Variants in EPHA6 observed in about 807,000 individuals in gnomAD.
EPHA6 encodes the protein ephrin type-A receptor 6.
In EPHA6, 50 loss-of-function variants were observed where a neutral mutation model predicts 112.0. That is an observed-to-expected ratio of 0.45 (90% CI 0.36 to 0.56). The LOEUF is 0.56. EPHA6 is among the 20% of genes least tolerant of loss of function. The pLI, the probability that EPHA6 is intolerant of heterozygous loss-of-function variation, is 0.00. For synonymous variants in EPHA6, 529 were observed against 490.7 expected (o/e 1.08, Z -1.03); for missense variants, 1,280 against 1,417.4 (o/e 0.90, Z 1.56).
intron 11 of EPHA6, among the ~76,000 whole-genome samples, chr3:97,587,374 T>A (rs972433421): frequency 3.1e-4 from 47 of 152,320 alleles, no homozygotes; most frequent in African/African-American, 1.1e-3. Context: ...CATTTGTAAA[T>A]CATATATATG....
intron 14 of EPHA6, among the ~76,000 whole-genome samples, chr3:97,704,378 T>C (rs371095320): frequency 6.6e-6 from 1 of 152,098 alleles, no homozygotes; most frequent in South Asian, 2.1e-4. Flanking sequence ...AACGGTGAAT[T>C]CTCTTTCTCT....
chr3:97,211,777 A>G (rs1046792948), intron 3 of EPHA6, among the ~76,000 whole-genome samples: 1 of 152,216 alleles, frequency 6.6e-6, no homozygotes, highest in Non-Finnish European at 1.5e-5. Context: ...ACTGATGCAC[A>G]TGAAAATAAG....
intron 3 of EPHA6, among the ~76,000 whole-genome samples, chr3:97,107,910 T>C (rs1319544754): frequency 6.6e-6 from 1 of 152,148 alleles, no homozygotes; most frequent in Non-Finnish European, 1.5e-5. Flanking sequence ...TAAAGTGAAA[T>C]TATGTGTTAT....
intron 5 of EPHA6, among the ~76,000 whole-genome samples, chr3:97,396,339 T>C (rs1159917043): frequency 6.7e-6 from 1 of 148,326 alleles, no homozygotes; most frequent in Non-Finnish European, 1.5e-5. Flanking sequence ...TGCTTATAGC[T>C]GACTGAGAAT....
intron 2 of EPHA6, among the ~76,000 whole-genome samples, chr3:96,932,097 G>A (rs1234117964): frequency 6.6e-6 from 1 of 152,258 alleles, no homozygotes; most frequent in South Asian, 2.1e-4. Context: ...TGCCTCCCTT[G>A]GTTGGGGGTG....
chr3:97,013,904 C>T (rs2044175686), intron 3 of EPHA6, among the ~76,000 whole-genome samples: 2 of 152,038 alleles, frequency 1.3e-5, no homozygotes, highest in Admixed American at 1.3e-4. Flanking sequence ...GTAATGCCTC[C>T]TGCAAACTTA....
intron 10 of EPHA6, among the ~76,000 whole-genome samples, chr3:97,500,935 A>AT (rs1037932530): frequency 6.6e-6 from 1 of 151,948 alleles, no homozygotes; most frequent in Admixed American, 6.6e-5. Context: ...ACAAATAGCA[A>AT]TTTTTTTTCT....
intron 14 of EPHA6, among the ~76,000 whole-genome samples, chr3:97,706,663 C>A (rs988169059): frequency 2.0e-5 from 3 of 152,114 alleles, no homozygotes; most frequent in African/African-American, 4.8e-5. Flanking sequence ...GTGTCCTAGT[C>A]TTTTTGTCTT....
intron 5 of EPHA6, among the ~76,000 whole-genome samples, chr3:97,372,933 T>G (rs1469788851): frequency 6.6e-6 from 1 of 152,096 alleles, no homozygotes; most frequent in Non-Finnish European, 1.5e-5. Flanking sequence ...TGTGTTTTAA[T>G]TACACAAAAT....
intron 1 of EPHA6, among the ~76,000 whole-genome samples, chr3:96,853,699 A>G (rs1475936179): frequency 6.6e-6 from 1 of 151,938 alleles, no homozygotes; most frequent in Non-Finnish European, 1.5e-5. Context: ...AAACTCCTGA[A>G]TCATTATAAT....
chr3:96,937,424 C>G (rs1483075304), intron 2 of EPHA6, among the ~76,000 whole-genome samples: 2 of 150,414 alleles, frequency 1.3e-5, no homozygotes, highest in Admixed American at 1.3e-4. Flanking sequence ...AGTGTCTGTT[C>G]ATATCCTTCG....
chr3:97,409,815 A>G (rs1226287747), intron 6 of EPHA6, among the ~76,000 whole-genome samples: 3 of 152,084 alleles, frequency 2.0e-5, no homozygotes, highest in East Asian at 1.9e-4. Context: ...TATCACAGTC[A>G]GCAGTTTTTA....
At chr3:97,381,909 A>G (rs993824323) in intron 5 of EPHA6, among the ~76,000 whole-genome samples, 2 of 152,106 alleles carry the variant, frequency 1.3e-5, no homozygotes, top group African/African-American at 4.8e-5. Context: ...CGCACTTAAT[A>G]AAGAAATTAT....
intron 14 of EPHA6, among the ~76,000 whole-genome samples, chr3:97,647,070 C>A (rs985448235): frequency 6.6e-6 from 1 of 152,082 alleles, no homozygotes; most frequent in African/African-American, 2.4e-5. Context: ...TATTCAATTT[C>A]CTAGGAGGGA....
In EPHA6 at chr3:97,583,464, G is replaced by A. The variant is rs547815252; in HGVS notation, c.2387-9148G>A. Among the ~76,000 whole-genome samples the A allele has an allele frequency of 2.5e-4, 38 of 151,976 alleles. No homozygotes were observed. In the East Asian group the frequency reaches 6.6e-3, roughly 26 times the overall value. On this transcript the variant is annotated intron_variant, in intron 11 of 17. Transcript: ENST00000389672. ...TGAGGCAGGAGAATGGTGTGAACCC[G>A]GGAGGCAGAGCTTGCAGTGAGCTGA...
intron 5 of EPHA6, among the ~76,000 whole-genome samples, chr3:97,300,937 G>T (rs1461515284): frequency 6.6e-6 from 1 of 152,100 alleles, no homozygotes; most frequent in Non-Finnish European, 1.5e-5. Context: ...GTCCTGAAAT[G>T]ATATGCTCCC....
At chr3:96,977,081 G>T (rs144177182) in intron 2 of EPHA6, among the ~76,000 whole-genome samples, 12 of 152,276 alleles carry the variant, frequency 7.9e-5, no homozygotes, top group African/African-American at 2.6e-4. Context: ...TTAAGAGCTG[G>T]CTCTCTATAG....
chr3:97,734,563 A>G (rs2035175608), intron 15 of EPHA6, among the ~76,000 whole-genome samples: 1 of 152,072 alleles, frequency 6.6e-6, no homozygotes, highest in African/African-American at 2.4e-5. Context: ...CCCTATTACT[A>G]AAAAAGCTAA....
chr3:97,516,059 G>A (rs2092443813), intron 10 of EPHA6, among the ~76,000 whole-genome samples: 1 of 151,980 alleles, frequency 6.6e-6, no homozygotes, highest in Non-Finnish European at 1.5e-5. Context: ...GTTCTCTATG[G>A]TATCGGTATA....
Sources: allele counts gnomAD v4.1 joint callset (sites outside exome capture counted in the v4.1 genomes callset), GRCh38; gene constraint gnomAD v4.1.1; transcripts MANE v1.5; gene names NCBI Gene and HGNC (gene_info 2026-07-23, HGNC 2026-07-21).